Variants in PRKCB observed in about 807,000 individuals in gnomAD.
PRKCB encodes the protein protein kinase C beta type.
In PRKCB, 13 loss-of-function variants were observed where a neutral mutation model predicts 81.5. That is an observed-to-expected ratio of 0.16 (90% CI 0.10 to 0.25). The LOEUF (loss-of-function observed/expected upper bound fraction) is 0.25. Among genes scored for constraint, PRKCB ranks in the 10% least tolerant of loss-of-function variants. PRKCB has a pLI of 1.00. For synonymous variants in PRKCB, 335 were observed against 321.4 expected, an observed-to-expected ratio of 1.04 and a Z score of -0.45; for missense variants, 509 against 875.7, an observed-to-expected ratio of 0.58 and a Z score of 5.29.
intron 5 of PRKCB, among the ~76,000 whole-genome samples, chr16:24,065,911 C>T (rs185458385): frequency 3.3e-5 from 5 of 152,300 alleles, no homozygotes; most frequent in African/African-American, 7.2e-5. Flanking sequence ...TATTTTCTTT[C>T]GGCACTTTAA....
At chr16:23,859,274 T>C (rs1962623096) in intron 2 of PRKCB, among the ~76,000 whole-genome samples, 1 of 152,242 alleles carries the variant, frequency 6.6e-6, no homozygotes. Context: ...CCCTGGTCAG[T>C]CTTTGGCCAG....
chr16:24,143,467 C>T (rs1352525524), intron 9 of PRKCB, among the ~76,000 whole-genome samples: 1 of 152,090 alleles, frequency 6.6e-6, no homozygotes, highest in Non-Finnish European at 1.5e-5. Context: ...GGGTATAGTC[C>T]TTGCAACAGA....
chr16:24,130,403 G>A (rs1201668423), intron 9 of PRKCB, among the ~76,000 whole-genome samples: 2 of 152,236 alleles, frequency 1.3e-5, no homozygotes, highest in South Asian at 2.1e-4. Flanking sequence ...GACGAGTTAA[G>A]TTAACTATGC....
intron 2 of PRKCB, among the ~76,000 whole-genome samples, chr16:23,869,751 G>T (rs940202866): frequency 6.6e-6 from 1 of 152,190 alleles, no homozygotes; most frequent in Non-Finnish European, 1.5e-5. Flanking sequence ...ACTATAAGCA[G>T]TGGCTCACGC....
At chr16:24,115,950 C>T (rs1312388229) in intron 8 of PRKCB, among the ~76,000 whole-genome samples, 1 of 151,994 alleles carries the variant, frequency 6.6e-6, no homozygotes, top group African/African-American at 2.4e-5. Context: ...TGGTCTCGAT[C>T]TCCTGACCTC....
At chr16:24,059,827 C>G (rs1965949410) in intron 5 of PRKCB, among the ~76,000 whole-genome samples, 1 of 152,256 alleles carries the variant, frequency 6.6e-6, no homozygotes, top group Admixed American at 6.5e-5. Context: ...AAACACGAGG[C>G]TAAGAATTGA....
At chr16:24,155,681 C>T (rs1359627366) in intron 10 of PRKCB, among the ~76,000 whole-genome samples, 6 of 152,178 alleles carry the variant, frequency 3.9e-5, no homozygotes, top group Non-Finnish European at 7.3e-5. Context: ...TAGAGCCCAA[C>T]CCATATATGA....
chr16:24,213,189 C>G (rs1342185453), intron 16 of PRKCB, among the ~76,000 whole-genome samples: 1 of 152,082 alleles, frequency 6.6e-6, no homozygotes, highest in Non-Finnish European at 1.5e-5. Flanking sequence ...TGCCCATCAC[C>G]ACGCCTGGCT....
At chr16:23,865,299 TTTTG>T (rs1222027798) in intron 2 of PRKCB, among the ~76,000 whole-genome samples, 63 of 90,584 alleles carry the variant, frequency 7.0e-4, no homozygotes, top group Admixed American at 2.1e-3. Flanking sequence ...GTGTGTGGTT[TTTTG>T]TTTGTTTGTT....
chr16:24,205,463 G>A (rs1968032187), intron 16 of PRKCB, among the ~76,000 whole-genome samples: 1 of 152,080 alleles, frequency 6.6e-6, no homozygotes, highest in Non-Finnish European at 1.5e-5. Context: ...GCATCTTGGT[G>A]CTTTTTAATA....
At chr16:24,009,761 C>T (rs1181943783) in intron 3 of PRKCB, among the ~76,000 whole-genome samples, 1 of 151,940 alleles carries the variant, frequency 6.6e-6, no homozygotes, top group Non-Finnish European at 1.5e-5. Context: ...CATCTGTAAT[C>T]CCAGCACTTT....
intron 2 of PRKCB, among the ~76,000 whole-genome samples, chr16:23,974,579 A>G (rs62029574): frequency 0.084 from 12,783 of 152,084 alleles, 681 homozygotes; most frequent in South Asian, 0.15. Flanking sequence ...GAGGCAGAGA[A>G]CCCCTCGTCC....
intron 5 of PRKCB, among the ~76,000 whole-genome samples, chr16:24,042,823 G>A (rs565140272): frequency 2.0e-5 from 3 of 148,386 alleles, no homozygotes; most frequent in South Asian, 2.1e-4. Context: ...CTGCAGCCTC[G>A]ACCTCCCAGG....
intron 2 of PRKCB, among the ~76,000 whole-genome samples, chr16:23,960,379 T>C (rs1463411775): frequency 6.6e-6 from 1 of 152,070 alleles, no homozygotes; most frequent in East Asian, 1.9e-4. Flanking sequence ...TTTTACTTCT[T>C]TGCTTTCTCT....
intron 10 of PRKCB, among the ~76,000 whole-genome samples, chr16:24,161,511 G>A (rs772135759): frequency 1.3e-5 from 2 of 151,968 alleles, no homozygotes; most frequent in Non-Finnish European, 2.9e-5. Context: ...AGTTGTTTAA[G>A]TTTTTTTTAA....
At chr16:23,870,580 C>T (rs544501987) in intron 2 of PRKCB, among the ~76,000 whole-genome samples, 235 of 152,318 alleles carry the variant, frequency 1.5e-3, no homozygotes, top group African/African-American at 5.4e-3. Flanking sequence ...GACTTTTAAA[C>T]GAAGCCATTA....
intron 9 of PRKCB, among the ~76,000 whole-genome samples, chr16:24,128,235 C>T (rs1453623169): frequency 6.6e-6 from 1 of 152,128 alleles, no homozygotes; most frequent in Non-Finnish European, 1.5e-5. Flanking sequence ...ATTAGCCGGG[C>T]ATGGTGGCAG....
At chr16:23,910,135 C>T (rs1196239744) in intron 2 of PRKCB, among the ~76,000 whole-genome samples, 1 of 152,060 alleles carries the variant, frequency 6.6e-6, no homozygotes, top group Admixed American at 6.6e-5. Context: ...TTTACTTGTC[C>T]CTCTTCCGCT....
At chr16:24,054,785 T>G (rs1294964541) in intron 5 of PRKCB, among the ~76,000 whole-genome samples, 2 of 152,252 alleles carry the variant, frequency 1.3e-5, no homozygotes, top group Non-Finnish European at 2.9e-5. Flanking sequence ...CACGAATCGT[T>G]CTAACAGTCT....
Sources: allele counts gnomAD v4.1 joint callset (sites outside exome capture counted in the v4.1 genomes callset), GRCh38; gene constraint gnomAD v4.1.1; transcripts MANE v1.5; gene names NCBI Gene and HGNC (gene_info 2026-07-23, HGNC 2026-07-21).